CTNNA3: variants seen among roughly 807,000 people sequenced by gnomAD.
The protein encoded by CTNNA3 is catenin alpha-3.
Under a neutral mutation model 95.7 loss-of-function variants are expected in CTNNA3, and 76 were observed. That is an observed-to-expected ratio of 0.79 (90% CI 0.66 to 0.96). The LOEUF (loss-of-function observed/expected upper bound fraction) is 0.96, where lower values mean the gene tolerates loss of function less well. CTNNA3 is among the 40% of genes least tolerant of loss of function. The pLI, the probability that CTNNA3 is intolerant of heterozygous loss-of-function variation, is 0.00. For missense variants in CTNNA3, 1,191 were observed against 1,089.8 expected (o/e 1.09, Z -1.31); for synonymous variants, 431 against 374.4 (o/e 1.15, Z -1.74).
At chr10:66,153,103 C>T (rs866832520) in intron 13 of CTNNA3, among the ~76,000 whole-genome samples, 1 of 151,686 alleles carries the variant, frequency 6.6e-6, no homozygotes, top group Non-Finnish European at 1.5e-5. Context: ...TCTATAAAGC[C>T]CATAAAATGT....
chr10:66,075,452 C>T (rs570123605), intron 14 of CTNNA3, among the ~76,000 whole-genome samples: 1 of 151,716 alleles, frequency 6.6e-6, no homozygotes, highest in South Asian at 2.1e-4. Context: ...TGACTATAAA[C>T]AATTGTACCT....
At chr10:66,354,328 A>T (rs1486794281) in intron 12 of CTNNA3, among the ~76,000 whole-genome samples, 1 of 145,278 alleles carries the variant, frequency 6.9e-6, no homozygotes, top group Non-Finnish European at 1.5e-5. Context: ...AAAAAAAATA[A>T]GAGTCCCTTG....
chr10:67,191,666 T>C (rs879621057), intron 6 of CTNNA3, among the ~76,000 whole-genome samples: 1 of 151,882 alleles, frequency 6.6e-6, no homozygotes, highest in Non-Finnish European at 1.5e-5. Context: ...GTTAAATGTC[T>C]ATATTACCCA....
intron 17 of CTNNA3, among the ~76,000 whole-genome samples, chr10:65,935,119 C>T (rs1273810744): frequency 6.6e-6 from 1 of 152,078 alleles, no homozygotes; most frequent in Non-Finnish European, 1.5e-5. Context: ...ATGTATAACA[C>T]TTGGATTGCT....
At chr10:66,700,041 AG>A (rs1235743279) in intron 9 of CTNNA3, among the ~76,000 whole-genome samples, 1 of 151,664 alleles carries the variant, frequency 6.6e-6, no homozygotes, top group Non-Finnish European at 1.5e-5. Flanking sequence ...TATTTATTTT[AG>A]AGATTATTAA....
chr10:67,066,842 T>C (rs1163318581), intron 7 of CTNNA3, among the ~76,000 whole-genome samples: 4 of 152,224 alleles, frequency 2.6e-5, no homozygotes, highest in Admixed American at 2.6e-4. Flanking sequence ...AATAGTGATG[T>C]TATATTAAAA....
chr10:67,648,820 C>A (rs1418062788), intron 1 of CTNNA3: 6 of 1,283,698 alleles, frequency 4.7e-6, no homozygotes, highest in Non-Finnish European at 6.1e-6. Context: ...GATTCAGCTG[C>A]AATGTAAGAG....
intron 7 of CTNNA3, among the ~76,000 whole-genome samples, chr10:67,050,488 A>AG (rs1158263168): frequency 6.6e-6 from 1 of 152,224 alleles, no homozygotes; most frequent in East Asian, 1.9e-4. Context: ...CAGAACAGAC[A>AG]GGGAGCTTAA....
At chr10:66,992,359 T>A (rs1166318913) in intron 7 of CTNNA3, among the ~76,000 whole-genome samples, 1 of 152,158 alleles carries the variant, frequency 6.6e-6, no homozygotes, top group Admixed American at 6.6e-5. Flanking sequence ...TTGTTGTTTC[T>A]TTGAGCTTCT....
At chr10:66,074,704 C>T (rs554416771) in intron 14 of CTNNA3, among the ~76,000 whole-genome samples, 1 of 151,922 alleles carries the variant, frequency 6.6e-6, no homozygotes, top group African/African-American at 2.4e-5. Flanking sequence ...TCATATTGTT[C>T]TCTCTTGTAG....
intron 13 of CTNNA3, among the ~76,000 whole-genome samples, chr10:66,135,439 G>A (rs1253104988): frequency 2.6e-5 from 4 of 152,182 alleles, no homozygotes; most frequent in African/African-American, 9.6e-5. Context: ...TTTCAGTAGT[G>A]TTAATGTATT....
intron 12 of CTNNA3, among the ~76,000 whole-genome samples, chr10:66,335,348 C>T (rs1403864424): frequency 6.6e-6 from 1 of 151,962 alleles, no homozygotes; most frequent in Non-Finnish European, 1.5e-5. Context: ...GTTTTTTCCC[C>T]ATCTTTGTGG....
chr10:67,739,050 T>C (rs1589585912), intron 1 of CTNNA3, among the ~76,000 whole-genome samples: 1 of 152,122 alleles, frequency 6.6e-6, no homozygotes, highest in East Asian at 1.9e-4. Context: ...TTCCCCAACC[T>C]AGCAAGGCAG....
intron 9 of CTNNA3, among the ~76,000 whole-genome samples, chr10:66,761,363 T>C (rs1839591583): frequency 6.6e-6 from 1 of 152,158 alleles, no homozygotes; most frequent in African/African-American, 2.4e-5. Flanking sequence ...ATAGATGAAT[T>C]TTTGATGAGT....
At chr10:67,592,826 A>G (rs1564767968) in intron 3 of CTNNA3, among the ~76,000 whole-genome samples, 1 of 152,110 alleles carries the variant, frequency 6.6e-6, no homozygotes, top group Non-Finnish European at 1.5e-5. Context: ...TCCTTCCAAC[A>G]TTTATTTTAG....
At chr10:66,744,910 C>G (rs1849451595) in intron 9 of CTNNA3, among the ~76,000 whole-genome samples, 1 of 152,032 alleles carries the variant, frequency 6.6e-6, no homozygotes. Context: ...AGTCAGCACC[C>G]AAAAATGATT....
chr10:66,002,622 G>C (rs2078792406), intron 15 of CTNNA3, among the ~76,000 whole-genome samples: 1 of 151,916 alleles, frequency 6.6e-6, no homozygotes, highest in Non-Finnish European at 1.5e-5. Flanking sequence ...GTACCACATA[G>C]TTGTTCAAGG....
At chr10:66,930,678 G>A (rs868266907) in intron 7 of CTNNA3, among the ~76,000 whole-genome samples, 2 of 152,080 alleles carry the variant, frequency 1.3e-5, no homozygotes, top group African/African-American at 4.8e-5. Context: ...AAATATGCTT[G>A]CTGTATTGAA....
intron 7 of CTNNA3, among the ~76,000 whole-genome samples, chr10:67,048,008 A>C (rs191458413): frequency 4.6e-5 from 7 of 152,252 alleles, no homozygotes. Context: ...GAACAGTACC[A>C]TGTGTTCTTT....
Sources: allele counts gnomAD v4.1 joint callset (sites outside exome capture counted in the v4.1 genomes callset), GRCh38; gene constraint gnomAD v4.1.1; transcripts MANE v1.5; gene names NCBI Gene and HGNC (gene_info 2026-07-23, HGNC 2026-07-21).